The following JARID2 variants were observed in gnomAD, a reference collection of about 807,000 sequenced individuals.
JARID2 encodes jumonji and AT-rich interaction domain containing 2.
Under a neutral mutation model 125.6 loss-of-function variants are expected in JARID2, and 21 were observed. The observed-to-expected ratio is 0.17, with a 90% CI of 0.12 to 0.24. The LOEUF (loss-of-function observed/expected upper bound fraction) is 0.24, where lower values mean the gene tolerates loss of function less well. Ranked by LOEUF, JARID2 falls within the 10% of genes least tolerant of loss-of-function variation. JARID2 has a pLI of 1.00. For synonymous variants in JARID2, 736 were observed against 661.6 expected, an observed-to-expected ratio of 1.11 and a Z score of -1.73; for missense variants, 1,303 against 1,639.6, an observed-to-expected ratio of 0.79 and a Z score of 3.55.
chr6:15,343,613 G>A (rs1763145600), intron 1 of JARID2, among the ~76,000 whole-genome samples: 1 of 152,144 alleles, frequency 6.6e-6, no homozygotes, highest in African/African-American at 2.4e-5. Context: ...GTATTTGGAG[G>A]GAGAGGAAGG....
At chr6:15,410,954 C>T (rs576704818) in intron 3 of JARID2, among the ~76,000 whole-genome samples, 137 of 152,250 alleles carry the variant, frequency 9.0e-4, no homozygotes, top group Non-Finnish European at 1.7e-3. Flanking sequence ...AGTTTGATAA[C>T]AGTTTGTGGT....
chr6:15,256,181 G>T (rs547273838), intron 1 of JARID2, among the ~76,000 whole-genome samples: 2 of 152,188 alleles, frequency 1.3e-5, no homozygotes, highest in African/African-American at 4.8e-5. Flanking sequence ...CAGGCCTGCC[G>T]GCGGCCTTCC....
chr6:15,414,936 G>A (rs1000124699), intron 3 of JARID2, among the ~76,000 whole-genome samples: 1 of 152,200 alleles, frequency 6.6e-6, no homozygotes, highest in African/African-American at 2.4e-5. Context: ...AAGGTCTCTG[G>A]TTTTCCTATG....
chr6:15,511,419 C>T lies in JARID2; in HGVS notation c.2952+18C>T, dbSNP rs756058772. The T allele has an allele frequency of 6.4e-7, 1 of 1,560,044 alleles. No individual in the cohort carries two copies. Among genetic ancestry groups the T allele is most frequent in the Non-Finnish European group, 8.8e-7 (1 of 1,133,094 alleles). On this transcript the variant is annotated intron_variant, in intron 13 of 17. Coordinates refer to ENST00000341776, the MANE Select transcript of JARID2 (RefSeq NM_004973.4). ...ACGTCATGGTGCGTCCACTCAGCCA[C>T]CGCCTCCAGCAGGAGCTGTAGGACC...
intron 1 of JARID2, among the ~76,000 whole-genome samples, chr6:15,294,755 G>A (rs1170517983): frequency 6.6e-6 from 1 of 152,132 alleles, no homozygotes; most frequent in Non-Finnish European, 1.5e-5. Flanking sequence ...CTTAAAGCTG[G>A]GGTGGCGCGT....
chr6:15,284,249 C>T (rs1581367767), intron 1 of JARID2, among the ~76,000 whole-genome samples: 1 of 152,160 alleles, frequency 6.6e-6, no homozygotes, highest in Non-Finnish European at 1.5e-5. Flanking sequence ...ATTTACTTCT[C>T]TGGAATCCTC....
At chr6:15,415,669 A>T (rs1447137966) in intron 3 of JARID2, among the ~76,000 whole-genome samples, 7 of 122,120 alleles carry the variant, frequency 5.7e-5, no homozygotes, top group South Asian at 3.0e-4. Flanking sequence ...TCCCTCCCGG[A>T]CGGGGTGGCT....
intron 2 of JARID2, among the ~76,000 whole-genome samples, chr6:15,382,703 C>A (rs571540602): frequency 6.6e-6 from 1 of 152,282 alleles, no homozygotes; most frequent in East Asian, 1.9e-4. Context: ...ACCAGAAATC[C>A]AATTTAAGTG....
At chr6:15,350,358 G>A (rs142196291) in intron 1 of JARID2, among the ~76,000 whole-genome samples, 2 of 152,340 alleles carry the variant, frequency 1.3e-5, no homozygotes, top group East Asian at 1.9e-4. Context: ...GATGAAGGCA[G>A]ACCTCACCTG....
At chr6:15,291,556 C>A (rs1308209721) in intron 1 of JARID2, among the ~76,000 whole-genome samples, 1 of 152,152 alleles carries the variant, frequency 6.6e-6, no homozygotes, top group Non-Finnish European at 1.5e-5. Context: ...CTTGGCCCTG[C>A]AGTGAAGGGA....
At chr6:15,413,110 C>T (rs2127573550) in intron 3 of JARID2, among the ~76,000 whole-genome samples, 1 of 147,178 alleles carries the variant, frequency 6.8e-6, no homozygotes, top group African/African-American at 2.5e-5. Context: ...ACCTCTGCCT[C>T]CCGGGCTCAA....
chr6:15,375,184 C>G (rs1764306110), intron 2 of JARID2, among the ~76,000 whole-genome samples: 2 of 152,194 alleles, frequency 1.3e-5, no homozygotes, highest in Admixed American at 1.3e-4. Context: ...CCTGTTGGAA[C>G]TAGTGTTCAC....
chr6:15,502,533 G>A (rs1210997710), intron 8 of JARID2, among the ~76,000 whole-genome samples: 1 of 152,182 alleles, frequency 6.6e-6, no homozygotes, highest in East Asian at 1.9e-4. Flanking sequence ...AGGTGCCCAC[G>A]GCTGCCTGAC....
Position 15,447,407 on chromosome 6 carries a change from C to A in JARID2, c.324-4599C>A, listed in dbSNP as rs116578815. On this transcript the variant is annotated intron_variant, in intron 3 of 17. Transcript: ENST00000341776. ...AAAAAACACATGAAAGTAAATTACA[C>A]CATGATTGCTACTTCCGTGGTGCGT... 3.5e-3 allele frequency among the ~76,000 whole-genome samples: 539 copies of A among 152,202 alleles called. 5 individuals are homozygous for A. Among genetic ancestry groups the A allele is most frequent in the African/African-American group, 0.012 (507 of 41,504 alleles).
In JARID2 at chr6:15,248,834, C is replaced by T. The variant is rs1158028804; in HGVS notation, c.45+2250C>T. ...GCGGGAGGCTCCAGGCGCGGCGGGG[C>T]GGCGGGGGGAGGAGGGAGCTGGGCG... On this transcript the variant is annotated intron_variant, in intron 1 of 17. Coordinates refer to ENST00000341776, the MANE Select transcript of JARID2 (RefSeq NM_004973.4). 39 of 856,764 alleles carry T rather than the reference C, an allele frequency of 4.6e-5. No individual in the cohort carries two copies. The South Asian group carries it at 1.5e-3, about 33-fold the overall frequency. The allele number at this position is 856,764 out of a possible 1,614,324, so 53.1% of individuals were successfully genotyped here.
Position 15,517,229 on chromosome 6 carries a change from G to A in JARID2, c.3519G>A (p.Lys1173=). ...CTCTGCGCCACGTGGAGAAACAGAA[G>A]TCCTGCCGAGGGCTGAAGTTGATGT... ...ECALRHVEKQ[K]SCRGLKLMYR... is the part of the protein sequence containing the mutation. The change falls in exon 17 of 18, where the codon AAG becomes AAA. Residue 1173 remains lysine, a synonymous_variant. Coordinates refer to ENST00000341776, the MANE Select transcript of JARID2 (RefSeq NM_004973.4). 1 of 1,614,070 alleles carries A rather than the reference G, an allele frequency of 6.2e-7. No individual in the cohort carries two copies. The highest frequency in any genetic ancestry group is 1.1e-5 in the South Asian group (1 of 91,084).
intron 5 of JARID2, among the ~76,000 whole-genome samples, chr6:15,478,363 A>AGG (rs958103382): frequency 5.3e-5 from 8 of 152,114 alleles, no homozygotes; most frequent in African/African-American, 1.9e-4. Context: ...AGGATATGTG[A>AGG]GGGTGGGGTC....
chr6:15,313,222 A>G (rs1762074254), intron 1 of JARID2, among the ~76,000 whole-genome samples: 1 of 152,198 alleles, frequency 6.6e-6, no homozygotes. Flanking sequence ...ATGGCACCCC[A>G]AGGAAACAGG....
chr6:15,515,080 C>G (rs546120769), intron 16 of JARID2, among the ~76,000 whole-genome samples: 4 of 151,926 alleles, frequency 2.6e-5, no homozygotes, highest in Admixed American at 6.6e-5. Flanking sequence ...GACAGTCTTG[C>G]TCTGTTGCCT....
Sources: allele counts gnomAD v4.1 joint callset (sites outside exome capture counted in the v4.1 genomes callset), GRCh38; gene constraint gnomAD v4.1.1; transcripts MANE v1.5; gene names NCBI Gene and HGNC (gene_info 2026-07-23, HGNC 2026-07-21).